CNGA3: variants seen among roughly 807,000 people sequenced by gnomAD.
The protein encoded by CNGA3 is cyclic nucleotide-gated channel alpha-3.
Under a neutral mutation model 46.6 loss-of-function variants are expected in CNGA3, and 42 were observed. The observed-to-expected ratio is 0.90, with a 90% CI of 0.70 to 1.17. CNGA3 has a LOEUF of 1.17. CNGA3 is among the 50% of genes most tolerant of loss of function. The pLI is 0.00. For synonymous variants in CNGA3, 394 were observed against 369.4 expected, an observed-to-expected ratio of 1.07 and a Z score of -0.76; for missense variants, 893 against 890.7, an observed-to-expected ratio of 1.00 and a Z score of -0.03.
chr2:98,383,454 A>C lies in CNGA3; in HGVS notation c.449+13A>C. On this transcript the variant is annotated intron_variant, in intron 5 of 7. Transcript: ENST00000272602. ...ACACGGAGGAGGAGTAAGTACCCACACACCCAGCAGAGCCCTCCCCAAGCC... is the reference window on the plus strand; with the variant it reads ...ACACGGAGGAGGAGTAAGTACCCACCCACCCAGCAGAGCCCTCCCCAAGCC... The C allele has an allele frequency of 6.2e-7, 1 of 1,614,090 alleles. No homozygotes were observed. Among genetic ancestry groups the C allele is most frequent in the East Asian group, 2.2e-5 (1 of 44,880 alleles).
At chr2:98,376,127 A>G (rs1031483970) in intron 2 of CNGA3, among the ~76,000 whole-genome samples, 1 of 152,156 alleles carries the variant, frequency 6.6e-6, no homozygotes, top group Non-Finnish European at 1.5e-5. Context: ...AAAAAAATCA[A>G]TTGCGCATAC....
rs1692250467 is a variant in CNGA3, at chr2:98,370,039, G to A, written c.64G>A (p.Asp22Asn). 3.1e-6 allele frequency: 5 copies of A among 1,613,888 alleles called. No homozygotes were observed. Among genetic ancestry groups the A allele is most frequent in the Non-Finnish European group, 4.2e-6 (5 of 1,179,990 alleles). The stretch of plus-strand genomic sequence containing the variant: ...GACCCACCTCAAGGTAAAGACCTCA[G>A]ACCGAGATCTCAATCGCGCTGAAAA... ...SRTHLKVKTSDRDLNRAENGL... is the reference protein window; with the variant it reads ...SRTHLKVKTSNRDLNRAENGL... Residue 22 changes from aspartate to asparagine, a missense_variant, in exon 2 of 8, where the codon GAC becomes AAC. Coordinates refer to ENST00000272602, the MANE Select transcript of CNGA3 (RefSeq NM_001298.3).
chr2:98,351,571 C>T (rs182226793), intron 1 of CNGA3, among the ~76,000 whole-genome samples: 2 of 152,116 alleles, frequency 1.3e-5, no homozygotes, highest in African/African-American at 4.8e-5. Context: ...TACCCATTCT[C>T]GGGTATGTCT....
chr2:98,377,884 A>T, intron 3 of CNGA3, 84 bp downstream of exon 3: 2 of 1,367,744 alleles, frequency 1.5e-6, no homozygotes, highest in East Asian at 2.5e-5. Context: ...AAAAAGTGCT[A>T]GATGGGGGTG....
Position 98,397,107 on chromosome 2 carries a change from G to A in CNGA3, c.1937G>A (p.Arg646His), listed in dbSNP as rs141577844. The change falls in exon 8 of 8, where the codon CGC becomes CAC. Residue 646 changes from arginine (R) to histidine (H), a missense_variant. Around this residue, in one of 3 missense-constraint regions of CNGA3, gnomAD observed 548 missense variants for 570.8 expected, o/e 0.96. Transcript: ENST00000272602. ...GACACCCTGCAGACCAGGTTTGCAC[G>A]CCTCCTGGCTGAGTACAACGCCACC... ...SLDTLQTRFA[R>H]LLAEYNATQM... The A allele has an allele frequency of 1.9e-5, 31 of 1,614,054 alleles. No individual in the cohort carries two copies. The East Asian group carries it at 4.5e-4, about 23-fold the overall frequency.
chr2:98,379,433 G>A (rs1404811150), intron 3 of CNGA3, among the ~76,000 whole-genome samples: 3 of 140,762 alleles, frequency 2.1e-5, no homozygotes, highest in African/African-American at 7.6e-5. Flanking sequence ...CTCTGGCAGA[G>A]ACACCAGCAA....
intron 6 of CNGA3, 140 bp from the exon 7 acceptor site, chr2:98,391,723 CT>C (rs1381832383): frequency 2.7e-6 from 2 of 746,436 alleles, no homozygotes. Flanking sequence ...GGTGATTACA[CT>C]GAGGTAGTGA....
At chr2:98,367,719 C>A (rs1378154635) in intron 1 of CNGA3, among the ~76,000 whole-genome samples, 1 of 152,148 alleles carries the variant, frequency 6.6e-6, no homozygotes, top group Non-Finnish European at 1.5e-5. Flanking sequence ...CCTCCCCACC[C>A]CTTATACCTA....
In CNGA3 at chr2:98,388,334, G is replaced by A. The variant is rs186043667; in HGVS notation, c.450-1324G>A. ...AAGCTACCTAAAACACGAGGAGGAA[G>A]TACTGAAGGAAGCTGCCTCTAAAGA... On this transcript the variant is annotated intron_variant, in intron 5 of 7. Transcript: ENST00000272602. Among the ~76,000 whole-genome samples, 708 of 152,362 alleles carry A rather than the reference G, an allele frequency of 4.6e-3. 1 individual carries two copies. Among genetic ancestry groups the A allele is most frequent in the Non-Finnish European group, 8.0e-3 (541 of 68,020 alleles).
In CNGA3 at chr2:98,397,238, G is replaced by T; in HGVS notation, c.2068G>T (p.Glu690Ter). Residue 690 changes from glutamate (E) to a stop codon, truncating the protein, a stop_gained, in exon 8 of 8, where the codon GAG (glutamate) becomes TAG (stop). Transcript: ENST00000272602. LOFTEE classifies it high-confidence loss of function. ...AGTTCCCGGGGATGCTACAAAAACA[G>T]AGGACAAACAACAGTGAAAATGCAG... ...GEVPGDATKT[E>*]DKQQ is the part of the protein sequence containing the mutation. The T allele has an allele frequency of 6.2e-7, 1 of 1,613,836 alleles. No individual in the cohort carries two copies. Among genetic ancestry groups the T allele is most frequent in the Non-Finnish European group, 8.5e-7 (1 of 1,180,026 alleles).
At chr2:98,395,790 G>T in intron 7 of CNGA3, 54 bp from the exon 8 acceptor site, 1 of 1,471,298 alleles carries the variant, frequency 6.8e-7, no homozygotes, top group Non-Finnish European at 9.5e-7. Flanking sequence ...TTTGTACTAT[G>T]GTCAAAAAAA....
chr2:98,355,302 C>T (rs1411674939), intron 1 of CNGA3, among the ~76,000 whole-genome samples: 1 of 152,172 alleles, frequency 6.6e-6, no homozygotes, highest in Non-Finnish European at 1.5e-5. Context: ...TTTTCTTATA[C>T]AGTTTCCAAA....
chr2:98,391,146 G>A lies in CNGA3; in HGVS notation c.567-718G>A, dbSNP rs184758850. 3.4e-4 allele frequency among the ~76,000 whole-genome samples: 52 copies of A among 152,316 alleles called. 2 individuals are homozygous for A. In the South Asian group the frequency reaches 6.4e-3, roughly 19 times the overall value. ...CATCCACATGGAAGCAGAGGCTTTC[G>A]ATTATTCGAGCATAGGCTGATCTCC... On this transcript the variant is annotated intron_variant, in intron 6 of 7. Transcript: ENST00000272602.
At position 98,360,769 on chromosome 2, in the gene CNGA3, T is replaced by C. The variant is rs550990802; in HGVS notation, c.-37-9170T>C. Among the ~76,000 whole-genome samples, 18 of 152,332 alleles carry C rather than the reference T, an allele frequency of 1.2e-4. No individual in the cohort carries two copies. The South Asian group carries it at 3.7e-3, about 32-fold the overall frequency. On this transcript the variant is annotated intron_variant, in intron 1 of 7. Coordinates refer to ENST00000272602, the MANE Select transcript of CNGA3 (RefSeq NM_001298.3). ...AGTCAAATAGGGTTGAGTCCTAATGTGGCTTCTGGACCTCACACGTTCTTT... is the reference window on the plus strand; with the variant it reads ...AGTCAAATAGGGTTGAGTCCTAATGCGGCTTCTGGACCTCACACGTTCTTT...
At chr2:98,362,765 T>C (rs1692063077) in intron 1 of CNGA3, among the ~76,000 whole-genome samples, 2 of 152,254 alleles carry the variant, frequency 1.3e-5, no homozygotes, top group Non-Finnish European at 2.9e-5. Context: ...TATTTTCTTC[T>C]AGGGTTTTTA....
chr2:98,384,819 G>C (rs1342947419), intron 5 of CNGA3, among the ~76,000 whole-genome samples: 1 of 152,116 alleles, frequency 6.6e-6, no homozygotes, highest in Non-Finnish European at 1.5e-5. Context: ...GCTGCACCCG[G>C]CTCTTCAATC....
Position 98,368,502 on chromosome 2 carries a change from T to TA in CNGA3, c.-37-1436dup, listed in dbSNP as rs1692213319. ...CAATCACACCAGCCCTGCTCTCACA[T>TA]AGGCTTTCTTTTCAATCACAGGGGC... is the stretch of plus-strand genomic sequence containing the variant. On this transcript the variant is annotated intron_variant, in intron 1 of 7. Transcript: ENST00000272602. Among the ~76,000 whole-genome samples the TA allele has an allele frequency of 3.9e-5, 6 of 152,300 alleles. No homozygotes were observed. The South Asian group carries it at 1.2e-3, about 32-fold the overall frequency.
In CNGA3 at chr2:98,396,356, G is replaced by T; in HGVS notation, c.1186G>T (p.Val396Leu). The change falls in exon 8 of 8, where the codon GTG becomes TTG. Residue 396 changes from valine to leucine, a missense_variant. Coordinates refer to ENST00000272602, the MANE Select transcript of CNGA3 (RefSeq NM_001298.3). ...GGGTGTTCTGATTTTTGCCACCATTGTGGGCAATGTGGGCTCCATGATCTC... is the reference window on the plus strand; with the variant it reads ...GGGTGTTCTGATTTTTGCCACCATTTTGGGCAATGTGGGCTCCATGATCTC... ...LVGVLIFATIVGNVGSMISNM... is the reference protein window; with the variant it reads ...LVGVLIFATILGNVGSMISNM... 6.2e-7 allele frequency: 1 copy of T among 1,613,032 alleles called. No individual in the cohort carries two copies.
chr2:98,362,845 G>A (rs1692064180), intron 1 of CNGA3, among the ~76,000 whole-genome samples: 2 of 152,104 alleles, frequency 1.3e-5, no homozygotes, highest in Non-Finnish European at 2.9e-5. Flanking sequence ...GTAAGGAAGG[G>A]GTCCAGTTTC....
Sources: allele counts gnomAD v4.1 joint callset (sites outside exome capture counted in the v4.1 genomes callset), GRCh38; gene constraint gnomAD v4.1.1; regional missense constraint gnomAD v4.1.1; transcripts MANE v1.5; gene names NCBI Gene and HGNC (gene_info 2026-07-23, HGNC 2026-07-21).